The following VANGL1 variants were observed in gnomAD, a reference collection of about 807,000 sequenced individuals.
VANGL1 encodes vang-like protein 1.
VANGL1 carries 18 observed loss-of-function variants against 48.4 expected under a neutral mutation model. The ratio of observed to expected loss-of-function variants is 0.37; its 90% CI spans 0.26 to 0.55. The LOEUF is 0.55. Ranked by LOEUF, VANGL1 falls within the 20% of genes least tolerant of loss-of-function variation. The probability of loss-of-function intolerance (pLI) is 0.81; values close to 1 mark genes in which losing one functional copy is unlikely to be tolerated. For missense variants in VANGL1, 667 were observed against 675.8 expected (o/e 0.99, Z 0.14); for synonymous variants, 257 against 261.8 (o/e 0.98, Z 0.18).
chr1:115,691,437 A>G lies in VANGL1; in HGVS notation c.*58A>G, dbSNP rs536352724. ...AAGAAAAATATATAGAGAGATATAT[A>G]TCTATGCCAGAGGGGTGTCTTTTTT... On this transcript the variant is annotated 3_prime_UTR_variant, in exon 8 of 8. Transcript: ENST00000355485. 13 of 1,535,488 alleles carry G rather than the reference A, an allele frequency of 8.5e-6. No homozygotes were observed. In the African/African-American group the frequency reaches 1.6e-4, roughly 18 times the overall value.
At chr1:115,675,394 C>T (rs1338745962) in intron 4 of VANGL1, among the ~76,000 whole-genome samples, 1 of 151,574 alleles carries the variant, frequency 6.6e-6, no homozygotes, top group Non-Finnish European at 1.5e-5. Context: ...CCAGCTACTC[C>T]GGTAGGCCGA....
intron 4 of VANGL1, among the ~76,000 whole-genome samples, chr1:115,670,135 G>C (rs1652924706): frequency 6.6e-6 from 1 of 152,194 alleles, no homozygotes; most frequent in African/African-American, 2.4e-5. Flanking sequence ...AGAAAAGGCT[G>C]TGTGAGGCCC....
In VANGL1 at chr1:115,673,852, G is replaced by A. The variant is rs367827627; in HGVS notation, c.813-8512G>A. Among the ~76,000 whole-genome samples, 34 of 151,932 alleles carry A rather than the reference G, an allele frequency of 2.2e-4. No homozygotes were observed. In the East Asian group the frequency reaches 4.3e-3, roughly 19 times the overall value. ...TGACCTCAAATGATCTGCCTGTGTC[G>A]GCCTCCCAAAGTGCTGGGATTACAG... On this transcript the variant is annotated intron_variant, in intron 4 of 7. Coordinates refer to ENST00000355485, the MANE Select transcript of VANGL1 (RefSeq NM_138959.3).
At position 115,686,826 on chromosome 1, in the gene VANGL1, G is replaced by A. The variant is rs559056723; in HGVS notation, c.1314+1299G>A. Among the ~76,000 whole-genome samples, 3 of 152,266 alleles carry A rather than the reference G, an allele frequency of 2.0e-5. No homozygotes were observed. The South Asian group carries it at 6.2e-4, about 32-fold the overall frequency. ...AGGTACTGTTTTAAGCACATCACGTGAATTAACTCTTTCAGTTCCTCTACA... is the reference window on the plus strand; with the variant it reads ...AGGTACTGTTTTAAGCACATCACGTAAATTAACTCTTTCAGTTCCTCTACA... On this transcript the variant is annotated intron_variant, in intron 7 of 7. Transcript: ENST00000355485.
At chr1:115,689,178 T>G (rs1395054591) in intron 7 of VANGL1, among the ~76,000 whole-genome samples, 1 of 138,182 alleles carries the variant, frequency 7.2e-6, no homozygotes, top group Non-Finnish European at 1.6e-5. Context: ...TTGTTTTAGT[T>G]TCATTTCTCT....
chr1:115,652,735 A>G (rs1652198006), intron 2 of VANGL1, among the ~76,000 whole-genome samples: 2 of 152,228 alleles, frequency 1.3e-5, no homozygotes, highest in African/African-American at 4.8e-5. Context: ...TTTGTTCTGT[A>G]AAACAGCAGT....
Position 115,663,606 on chromosome 1 carries a change from G to C in VANGL1, c.205-55G>C. The C allele has an allele frequency of 1.9e-6, 3 of 1,613,352 alleles. No homozygotes were observed. In the South Asian group the frequency reaches 3.3e-5, roughly 18 times the overall value. On this transcript the variant is annotated intron_variant, in intron 3 of 7. Transcript: ENST00000355485. ...GGGCCCTGCATGTTCACTGCCCTTT[G>C]TAGCTTTTACAAATGACCTGTGTCA...
Position 115,689,986 on chromosome 1 carries a change from T to A in VANGL1, c.1315-1133T>A, listed in dbSNP as rs1449956713. Reference sequence around the variant, plus strand: ...AACAAAATCTGTTCTTGACTCTGTCTGGGACCTGATTGATATATCCCAGTA... The same window carrying A: ...AACAAAATCTGTTCTTGACTCTGTCAGGGACCTGATTGATATATCCCAGTA... On this transcript the variant is annotated intron_variant, in intron 7 of 7. Coordinates refer to ENST00000355485, the MANE Select transcript of VANGL1 (RefSeq NM_138959.3). 2.2e-5 allele frequency among the ~76,000 whole-genome samples: 3 copies of A among 139,110 alleles called. 1 individual carries two copies. The highest frequency in any genetic ancestry group is 4.7e-5 in the Non-Finnish European group (3 of 63,446). 91.3% of individuals were successfully genotyped at this position (139,110 alleles called of 152,430 possible).
intron 1 of VANGL1, among the ~76,000 whole-genome samples, chr1:115,650,627 T>C (rs1273647556): frequency 1.3e-5 from 2 of 152,184 alleles, no homozygotes; most frequent in African/African-American, 2.4e-5. Flanking sequence ...GTTTCTATTC[T>C]TTATAATGAT....
At chr1:115,654,153 A>G (rs559156134) in intron 2 of VANGL1, among the ~76,000 whole-genome samples, 53 of 152,166 alleles carry the variant, frequency 3.5e-4, no homozygotes, top group Non-Finnish European at 6.6e-4. Flanking sequence ...GTTTGTTGGG[A>G]ACTTGAATGG....
chr1:115,689,761 G>C (rs1557777912), intron 7 of VANGL1, among the ~76,000 whole-genome samples: 1 of 138,210 alleles, frequency 7.2e-6, no homozygotes, highest in African/African-American at 2.7e-5. Context: ...TTCAAGACCA[G>C]CCTGGCCAAC....
At chr1:115,686,145 T>G (rs995803041) in intron 7 of VANGL1, among the ~76,000 whole-genome samples, 1 of 152,098 alleles carries the variant, frequency 6.6e-6, no homozygotes, top group Non-Finnish European at 1.5e-5. Context: ...GTCAGAGAGA[T>G]ATTATTATTA....
At position 115,660,913 on chromosome 1, in the gene VANGL1, C is replaced by T. The variant is rs1057443004; in HGVS notation, c.204+1140C>T. On this transcript the variant is annotated intron_variant, in intron 3 of 7. Coordinates refer to ENST00000355485, the MANE Select transcript of VANGL1 (RefSeq NM_138959.3). ...CCTTGGCTCTGGGATGGCTGATGGTCGGATGGGGCCAGTCTTAGGATTGGA... is the reference window on the plus strand; with the variant it reads ...CCTTGGCTCTGGGATGGCTGATGGTTGGATGGGGCCAGTCTTAGGATTGGA... 2.7e-4 allele frequency among the ~76,000 whole-genome samples: 41 copies of T among 152,062 alleles called. 1 individual carries two copies. The highest frequency in any genetic ancestry group is 1.3e-4 in the Admixed American group (2 of 15,256).
At chr1:115,689,711 C>T (rs1254532208) in intron 7 of VANGL1, among the ~76,000 whole-genome samples, 5 of 137,014 alleles carry the variant, frequency 3.6e-5, no homozygotes, top group Non-Finnish European at 7.9e-5. Context: ...AATCTCAACA[C>T]TTTGGGAGGC....
chr1:115,649,297 A>T (rs1302153451), intron 1 of VANGL1, among the ~76,000 whole-genome samples: 1 of 152,142 alleles, frequency 6.6e-6, no homozygotes, highest in Non-Finnish European at 1.5e-5. Flanking sequence ...ACCTCCCCCC[A>T]CAAACCCCCA....
In VANGL1 at chr1:115,692,512, C is replaced by G. The variant is rs1228972791; in HGVS notation, c.*1133C>G. The G allele has an allele frequency of 6.5e-6, 1 of 152,706 alleles. No homozygotes were observed. The highest frequency in any genetic ancestry group is 1.5e-5 in the Non-Finnish European group (1 of 68,094). 9.5% of individuals were successfully genotyped at this position (152,706 alleles called of 1,614,324 possible). On this transcript the variant is annotated 3_prime_UTR_variant, in exon 8 of 8. Coordinates refer to ENST00000355485, the MANE Select transcript of VANGL1 (RefSeq NM_138959.3). Reference sequence around the variant, plus strand: ...ACTCATCGCCTCTGCCACTTAGGACCAGGAAAGAGGCTGGTTTTGCTCCCA... The same window carrying G: ...ACTCATCGCCTCTGCCACTTAGGACGAGGAAAGAGGCTGGTTTTGCTCCCA...
rs1557780927 is a variant in VANGL1, at chr1:115,695,377, G to GTCTC, written c.*3999_*4000insCTCT. 1 of 152,556 alleles carries GTCTC rather than the reference G, an allele frequency of 6.6e-6. No individual in the cohort carries two copies. The allele number at this position is 152,556 out of a possible 1,614,324, so 9.5% of individuals were successfully genotyped here. A position where few individuals can be genotyped will look rare whatever the true frequency, so the allele number is the denominator to read the frequency against. On this transcript the variant is annotated 3_prime_UTR_variant, in exon 8 of 8. Coordinates refer to ENST00000355485, the MANE Select transcript of VANGL1 (RefSeq NM_138959.3). Reference sequence around the variant, plus strand: ...GGTAGTGTTTGTGATTTACGGATTTGTTACTGAAAAACAAAAAAATCACTA... The same window carrying GTCTC: ...GGTAGTGTTTGTGATTTACGGATTTGTCTCTTACTGAAAAACAAAAAAATCACTA...
At chr1:115,648,250 C>A (rs1443355720) in intron 1 of VANGL1, among the ~76,000 whole-genome samples, 1 of 152,166 alleles carries the variant, frequency 6.6e-6, no homozygotes, top group Non-Finnish European at 1.5e-5. Flanking sequence ...AAATAAAAAG[C>A]ACTGGGGGAG....
chr1:115,646,304 G>A (rs981716979), intron 1 of VANGL1, among the ~76,000 whole-genome samples: 3 of 152,040 alleles, frequency 2.0e-5, no homozygotes, highest in Non-Finnish European at 4.4e-5. Context: ...GAGCCTGGCC[G>A]TGTCCTAATA....
Sources: gnomAD v4.1 joint callset for allele counts (sites outside exome capture counted in the v4.1 genomes callset) on GRCh38, gnomAD v4.1.1 for gene constraint, MANE v1.5 for transcripts, NCBI Gene and HGNC (gene_info 2026-07-23, HGNC 2026-07-21) for gene names.